Variants in ABCA13 observed in about 807,000 individuals in gnomAD.
ABCA13 encodes the protein ATP binding cassette subfamily A member 13, also known as ATP-binding cassette sub-family A member 13.
A neutral mutation model predicts 478.7 loss-of-function variants in ABCA13; 476 were observed. That is an observed-to-expected ratio of 0.99 (90% confidence interval 0.92 to 1.07). ABCA13 has a LOEUF of 1.07. Among genes scored for constraint, ABCA13 ranks in the 50% least tolerant of loss-of-function variants. ABCA13 has a pLI of 0.00. For missense variants in ABCA13, 6,060 were observed against 5,910.6 expected (o/e 1.03, Z -0.83); for synonymous variants, 2,252 against 2,158.9 (o/e 1.04, Z -1.20).
At chr7:48,314,198 A>G (rs372664453) in intron 25 of ABCA13, 34 bp from the exon 26 acceptor site, 16 of 1,600,662 alleles carry the variant, frequency 1.0e-5, no homozygotes, top group Non-Finnish European at 1.2e-5. Context: ...TTAAGTCACT[A>G]TGTAATTGCA....
intron 13 of ABCA13, 77 bp downstream of exon 13, chr7:48,246,107 C>A: frequency 6.8e-7 from 1 of 1,464,524 alleles, no homozygotes; most frequent in Non-Finnish European, 9.2e-7. Context: ...AATATTTAAC[C>A]TGGAGTTTCG....
Position 48,225,109 on chromosome 7 carries a change from G to GTGCCTGCC in ABCA13, c.469-2131_469-2124dup, listed in dbSNP as rs201750881. Among the ~76,000 whole-genome samples the GTGCCTGCC allele has an allele frequency of 3.6e-3, 412 of 113,676 alleles. 13 individuals carry two copies. Among genetic ancestry groups the GTGCCTGCC allele is most frequent in the African/African-American group, 0.013 (378 of 28,018 alleles). 74.6% of individuals were successfully genotyped at this position (113,676 alleles called of 152,430 possible). ...TATAGGCGTTAATCACCATGCGTGC[G>GTGCCTGCC]TGCCTGCCTGCCTGCCTGCCTGCCT... On this transcript the variant is annotated intron_variant, in intron 5 of 61. Transcript: ENST00000435803.
intron 57 of ABCA13, among the ~76,000 whole-genome samples, chr7:48,589,469 T>C (rs1040011716): frequency 4.6e-5 from 7 of 152,200 alleles, no homozygotes; most frequent in African/African-American, 1.7e-4. Context: ...GAATTCAACA[T>C]GTGTTTTGAT....
intron 57 of ABCA13, among the ~76,000 whole-genome samples, chr7:48,594,411 C>CTT (rs750320016): frequency 6.6e-6 from 1 of 150,472 alleles, no homozygotes; most frequent in African/African-American, 2.4e-5. Flanking sequence ...CTATTTGGTT[C>CTT]TTTTTTTTTA....
At chr7:48,613,085 C>A (rs1792185745) in intron 58 of ABCA13, among the ~76,000 whole-genome samples, 1 of 151,972 alleles carries the variant, frequency 6.6e-6, no homozygotes, top group Non-Finnish European at 1.5e-5. Flanking sequence ...GTTATTTACC[C>A]TTTTTTCTCT....
chr7:48,365,146 A>G (rs1811475733), intron 31 of ABCA13, among the ~76,000 whole-genome samples: 1 of 151,882 alleles, frequency 6.6e-6, no homozygotes, highest in African/African-American at 2.4e-5. Flanking sequence ...TTTGATTTGC[A>G]TTTTTTTGAT....
At chr7:48,316,173 A>G (rs541184238) in intron 26 of ABCA13, among the ~76,000 whole-genome samples, 47 of 152,320 alleles carry the variant, frequency 3.1e-4, no homozygotes, top group African/African-American at 1.1e-3. Context: ...TAGCATCACA[A>G]GACTCATGAG....
chr7:48,597,987 CTT>C lies in ABCA13; in HGVS notation c.14744+3175_14744+3176del, dbSNP rs1790474957. On this transcript the variant is annotated intron_variant, in intron 58 of 61. Coordinates refer to ENST00000435803, the MANE Select transcript of ABCA13 (RefSeq NM_152701.5). The stretch of plus-strand genomic sequence containing the variant: ...CAATCCAATTTACATAGGGTTCTCT[CTT>C]GATGTTGGACATTTTATGGGTTTGG... 2.6e-5 allele frequency among the ~76,000 whole-genome samples: 4 copies of C among 152,136 alleles called. No individual in the cohort carries two copies. In the South Asian group the frequency reaches 8.3e-4, roughly 32 times the overall value.
intron 55 of ABCA13, among the ~76,000 whole-genome samples, chr7:48,533,831 T>A (rs1446785117): frequency 1.3e-5 from 2 of 152,174 alleles, no homozygotes; most frequent in African/African-American, 4.8e-5. Flanking sequence ...TTGCTTTTGG[T>A]GTCCATTTGC....
chr7:48,492,057 T>A (rs1273786890), intron 48 of ABCA13, among the ~76,000 whole-genome samples: 1 of 152,206 alleles, frequency 6.6e-6, no homozygotes, highest in Non-Finnish European at 1.5e-5. Flanking sequence ...GTACACATTC[T>A]AATATTAGAG....
At chr7:48,540,104 C>G (rs184170846) in intron 55 of ABCA13, among the ~76,000 whole-genome samples, 35 of 152,140 alleles carry the variant, frequency 2.3e-4, no homozygotes, top group African/African-American at 7.5e-4. Context: ...GGGATTGAAT[C>G]TCTCTCAAGT....
intron 55 of ABCA13, among the ~76,000 whole-genome samples, chr7:48,563,800 G>T (rs1241878552): frequency 7.8e-5 from 4 of 51,282 alleles, no homozygotes; most frequent in African/African-American, 4.9e-4. Context: ...CTGCTTGTGT[G>T]TGTGTGTGTG....
intron 58 of ABCA13, among the ~76,000 whole-genome samples, chr7:48,596,035 A>C (rs1337919513): frequency 1.3e-5 from 2 of 152,212 alleles, no homozygotes; most frequent in African/African-American, 2.4e-5. Context: ...GACTTTACTG[A>C]TTACTGCAGC....
intron 59 of ABCA13, among the ~76,000 whole-genome samples, chr7:48,636,435 A>T (rs1794642283): frequency 6.6e-6 from 1 of 152,192 alleles, no homozygotes; most frequent in Non-Finnish European, 1.5e-5. Context: ...CTCAGCTGTC[A>T]CTTGGGTCTT....
At chr7:48,643,521 G>A (rs1265899257) in intron 60 of ABCA13, 128 bp downstream of exon 60, 2 of 754,394 alleles carry the variant, frequency 2.7e-6, no homozygotes, top group Admixed American at 5.3e-5. Flanking sequence ...ACATTGCAAA[G>A]TATAGGCCCT....
At chr7:48,635,585 T>TA (rs1336259169) in intron 59 of ABCA13, among the ~76,000 whole-genome samples, 1 of 152,100 alleles carries the variant, frequency 6.6e-6, no homozygotes, top group Non-Finnish European at 1.5e-5. Flanking sequence ...TAGAGCTGGG[T>TA]AAAAAAAGGG....
chr7:48,251,940 TGC>T (rs1792631913), intron 15 of ABCA13, among the ~76,000 whole-genome samples: 1 of 152,170 alleles, frequency 6.6e-6, no homozygotes, highest in Admixed American at 6.5e-5. Context: ...TTTCTTTTGC[TGC>T]TTTTAAGATT....
chr7:48,389,963 A>G (rs1054038675), intron 37 of ABCA13, among the ~76,000 whole-genome samples: 2 of 152,256 alleles, frequency 1.3e-5, no homozygotes, highest in African/African-American at 4.8e-5. Context: ...GTAGAAAAAT[A>G]ACACATGAAA....
At chr7:48,619,975 G>T (rs1179298372) in intron 59 of ABCA13, among the ~76,000 whole-genome samples, 1 of 152,184 alleles carries the variant, frequency 6.6e-6, no homozygotes, top group African/African-American at 2.4e-5. Flanking sequence ...CTTAAGGGTT[G>T]CCTTGATCTA....
Sources: allele counts gnomAD v4.1 joint callset (sites outside exome capture counted in the v4.1 genomes callset), GRCh38; gene constraint gnomAD v4.1.1; transcripts MANE v1.5; gene names NCBI Gene and HGNC (gene_info 2026-07-23, HGNC 2026-07-21).